PPID: variants seen among roughly 807,000 people sequenced by gnomAD.
The protein encoded by PPID is peptidyl-prolyl cis-trans isomerase D.
Under a neutral mutation model 48.1 loss-of-function variants are expected in PPID, and 47 were observed. The ratio of observed to expected loss-of-function variants is 0.98; its 90% CI spans 0.77 to 1.25. The LOEUF (loss-of-function observed/expected upper bound fraction) is 1.25, where lower values mean the gene tolerates loss of function less well. PPID is among the 50% of genes most tolerant of loss of function. The pLI is 0.00. For synonymous variants in PPID, 163 were observed against 148.8 expected, an observed-to-expected ratio of 1.10 and a Z score of -0.69; for missense variants, 429 against 443.5, an observed-to-expected ratio of 0.97 and a Z score of 0.29.
rs765354477 is a variant in PPID, at chr4:158,719,290, C to CA, written c.227-5dup. The stretch of plus-strand genomic sequence containing the variant: ...TGAATCATAAATTTCTTAATAACTA[C>CA]AAAAAAGGAAAATGGCTATTAGTGA... On this transcript the variant is annotated splice_polypyrimidine_tract_variant and splice_region_variant and intron_variant, in intron 2 of 9. Coordinates refer to ENST00000307720, the MANE Select transcript of PPID (RefSeq NM_005038.3). 5.1e-6 allele frequency: 8 copies of CA among 1,567,572 alleles called. No individual in the cohort carries two copies. Among genetic ancestry groups the CA allele is most frequent in the African/African-American group, 1.4e-5 (1 of 73,670 alleles).
chr4:158,715,755 G>A, intron 4 of PPID, 71 bp from the exon 5 acceptor site: 1 of 1,513,410 alleles, frequency 6.6e-7, no homozygotes, highest in Non-Finnish European at 9.1e-7. Flanking sequence ...TACAGCTGAA[G>A]TCATGTGCAG....
Position 158,713,238 on chromosome 4 carries a change from C to T in PPID, c.775G>A (p.Val259Ile). ...VLRYVDSSKA[V>I]IETADRAKLQ... is the part of the protein sequence containing the mutation. Reference sequence around the variant, plus strand: ...TTGGCTCTATCTGCTGTCTCAATAACAGCCTTTGAACTGTCCACGTATCTG... The same window carrying T: ...TTGGCTCTATCTGCTGTCTCAATAATAGCCTTTGAACTGTCCACGTATCTG... Residue 259 changes from valine (V) to isoleucine (I), a missense_variant, in exon 7 of 10, where the codon GTT (valine) becomes ATT (isoleucine). Val to Ile is a conservative substitution (Grantham distance 29). Coordinates refer to ENST00000307720, the MANE Select transcript of PPID (RefSeq NM_005038.3). The T allele has an allele frequency of 6.2e-7, 1 of 1,613,738 alleles. No individual in the cohort carries two copies. The highest frequency in any genetic ancestry group is 8.5e-7 in the Non-Finnish European group (1 of 1,179,900).
At position 158,709,664 on chromosome 4, in the gene PPID, A is replaced by C. The variant is rs1774744729; in HGVS notation, c.*72T>G. On this transcript the variant is annotated 3_prime_UTR_variant, in exon 10 of 10. Transcript: ENST00000307720. Reference sequence around the variant, plus strand: ...AAGAAACACATTAGGGATCATATTCATAGACAAAAACCTTTACATTTTCTT... The same window carrying C: ...AAGAAACACATTAGGGATCATATTCCTAGACAAAAACCTTTACATTTTCTT... The C allele has an allele frequency of 2.5e-6, 3 of 1,176,780 alleles. No individual in the cohort carries two copies. Among genetic ancestry groups the C allele is most frequent in the Non-Finnish European group, 2.5e-6 (2 of 812,240 alleles). 72.9% of individuals were successfully genotyped at this position (1,176,780 alleles called of 1,614,324 possible). A position where few individuals can be genotyped will look rare whatever the true frequency, so the allele number is the denominator to read the frequency against.
chr4:158,719,245 G>A lies in PPID; in HGVS notation c.268C>T (p.Gln90Ter). ...FMIQGGDFSNQNGTGGESIYG... is the reference protein window; with the variant it reads ...FMIQGGDFSN ...ATACTTTCTCCACCTGTCCCATTCT[G>A]ATTTGAGAAGTCTCCACCCTGAATC... Residue 90 changes from glutamine (Q) to a stop codon, truncating the protein, a stop_gained, in exon 3 of 10, where the codon CAG (glutamine) becomes TAG (stop). Transcript: ENST00000307720. LOFTEE classifies it high-confidence loss of function. The A allele has an allele frequency of 6.2e-7, 1 of 1,611,446 alleles. No homozygotes were observed. Among genetic ancestry groups the A allele is most frequent in the Non-Finnish European group, 8.5e-7 (1 of 1,178,010 alleles).
chr4:158,711,681 C>T (rs956478058), intron 7 of PPID, among the ~76,000 whole-genome samples: 28 of 152,116 alleles, frequency 1.8e-4, no homozygotes, highest in Admixed American at 1.0e-3. Flanking sequence ...AAAAAGAGAT[C>T]GAGGCTGGGC....
intron 4 of PPID, among the ~76,000 whole-genome samples, chr4:158,716,786 C>T (rs879042921): frequency 4.6e-5 from 7 of 152,018 alleles, no homozygotes; most frequent in Admixed American, 2.6e-4. Context: ...GGTGAAACCC[C>T]GTCTCTATTA....
At chr4:158,715,759 T>G in intron 4 of PPID, 75 bp from the exon 5 acceptor site, 2 of 1,483,132 alleles carry the variant, frequency 1.3e-6, no homozygotes, top group Non-Finnish European at 1.9e-6. Context: ...GCTGAAGTCA[T>G]GTGCAGCACT....
Position 158,722,494 on chromosome 4 carries a change from C to T in PPID, c.85+710G>A, listed in dbSNP as rs72969677. Among the ~76,000 whole-genome samples, 838 of 152,332 alleles carry T rather than the reference C, an allele frequency of 5.5e-3. 7 individuals are homozygous for T. Among genetic ancestry groups the T allele is most frequent in the African/African-American group, 0.02 (811 of 41,580 alleles). On this transcript the variant is annotated intron_variant, in intron 1 of 9. Coordinates refer to ENST00000307720, the MANE Select transcript of PPID (RefSeq NM_005038.3). ...GCAACAAACTGAATGTACGTGTAAA[C>T]GTGTGTGTGTCCTGTACATGCATTC...
At chr4:158,719,428 C>G (rs1231640368) in intron 2 of PPID, 142 bp from the exon 3 acceptor site, 1 of 613,096 alleles carries the variant, frequency 1.6e-6, no homozygotes, top group Non-Finnish European at 2.8e-6. Context: ...CCACCCGTCT[C>G]CGCAACTCCA....
chr4:158,715,658 T>G lies in PPID; in HGVS notation c.549A>C (p.Glu183Asp). 6.2e-7 allele frequency: 1 copy of G among 1,610,064 alleles called. No homozygotes were observed. Among genetic ancestry groups the G allele is most frequent in the South Asian group, 1.1e-5 (1 of 91,000 alleles). Reference sequence around the variant, plus strand: ...TTCCCCCGTCATCTCCTTCCTTCAATTCTCCACATTCTGCAATAACGCACA... The same window carrying G: ...TTCCCCCGTCATCTCCTTCCTTCAAGTCTCCACATTCTGCAATAACGCACA... ...AKLCVIAECG[E>D]LKEGDDGGIF... is the part of the protein sequence containing the mutation. Residue 183 changes from glutamate to aspartate, a missense_variant, in exon 5 of 10, where the codon GAA becomes GAC. Physicochemically the swap from Glu to Asp is conservative, Grantham distance 45 (BLOSUM62 2). Coordinates refer to ENST00000307720, the MANE Select transcript of PPID (RefSeq NM_005038.3).
intron 6 of PPID, among the ~76,000 whole-genome samples, chr4:158,714,784 T>G (rs1232764551): frequency 2.6e-5 from 4 of 152,134 alleles, no homozygotes; most frequent in Admixed American, 6.5e-5. Flanking sequence ...GAGATGGGGT[T>G]TCACCATATT....
At chr4:158,723,154 G>A (rs759301189) in intron 1 of PPID, 50 bp downstream of exon 1, 5 of 1,546,158 alleles carry the variant, frequency 3.2e-6, no homozygotes, top group South Asian at 1.1e-5. Context: ...CCAAATCCCG[G>A]GAACCCCCGC....
In PPID at chr4:158,717,159, G is replaced by C. The variant is rs1229378046; in HGVS notation, c.375C>G (p.Arg125=). The C allele has an allele frequency of 6.2e-7, 1 of 1,614,082 alleles. No individual in the cohort carries two copies. ...EGLLSMANAG[R]NTNGSQFFIT... is the part of the protein sequence containing the mutation. ...TAAAAAACTGAGAACCGTTTGTGTT[G>C]CGGCCTGCATTTGCCATGCTCAGTA... Residue 125 remains arginine (R), a synonymous_variant, in exon 4 of 10, where the codon CGC becomes CGG. Coordinates refer to ENST00000307720, the MANE Select transcript of PPID (RefSeq NM_005038.3).
Position 158,717,053 on chromosome 4 carries a change from T to A in PPID, c.481A>T (p.Ile161Leu). 6.2e-7 allele frequency: 1 copy of A among 1,614,064 alleles called. No individual in the cohort carries two copies. Among genetic ancestry groups the A allele is most frequent in the Non-Finnish European group, 8.5e-7 (1 of 1,179,950 alleles). ...CCTTTCACTTCCACATTTTCCAATA[T>A]CCTTGCCACTCCTATTCCTTTAATT... The part of the protein sequence containing the change: ...QVIKGIGVAR[I>L]LENVEVKGEK... The change falls in exon 4 of 10, where the codon ATA becomes TTA. Residue 161 changes from isoleucine (I) to leucine (L), a missense_variant. Transcript: ENST00000307720.
chr4:158,717,358 TTTAA>T (rs1443469777), intron 3 of PPID, among the ~76,000 whole-genome samples, 158 bp from the exon 4 acceptor site: 2 of 152,206 alleles, frequency 1.3e-5, no homozygotes, highest in Admixed American at 6.5e-5. Context: ...TATAAAATTT[TTTAA>T]TTACTTTTTA....
chr4:158,723,342 G>T lies in PPID; in HGVS notation c.-54C>A, dbSNP rs2070630. Reference sequence around the variant, plus strand: ...ATATCAGAGTACCTAGTGGCCGCCCGGGCCGCCCAAACTCCAGAGTCCGTC... The same window carrying T: ...ATATCAGAGTACCTAGTGGCCGCCCTGGCCGCCCAAACTCCAGAGTCCGTC... On this transcript the variant is annotated 5_prime_UTR_variant, in exon 1 of 10. Transcript: ENST00000307720. The T allele has an allele frequency of 3.2e-6, 5 of 1,546,198 alleles. No homozygotes were observed. The African/African-American group carries it at 5.5e-5, about 17-fold the overall frequency.
rs1028723766 is a variant in PPID at position 158,721,255 on chromosome 4, C to T, written c.226+88G>A. On this transcript the variant is annotated intron_variant, in intron 2 of 9. Transcript: ENST00000307720. Reference sequence around the variant, plus strand: ...CGCTAATAGTACTTTTTAAGCTTCACTTCCTACTTAGTGTTTTCTTCCCCA... The same window carrying T: ...CGCTAATAGTACTTTTTAAGCTTCATTTCCTACTTAGTGTTTTCTTCCCCA... 33 of 1,475,416 alleles carry T rather than the reference C, an allele frequency of 2.2e-5. No homozygotes were observed. The South Asian group carries it at 2.8e-4, about 12-fold the overall frequency. 91.4% of individuals were successfully genotyped at this position (1,475,416 alleles called of 1,614,324 possible). A position where few individuals can be genotyped will look rare whatever the true frequency, so the allele number is the denominator to read the frequency against.
In PPID at chr4:158,715,541, G is replaced by A. The variant is rs373729581; in HGVS notation, c.645+21C>T. On this transcript the variant is annotated intron_variant, in intron 5 of 9. Coordinates refer to ENST00000307720, the MANE Select transcript of PPID (RefSeq NM_005038.3). Reference sequence around the variant, plus strand: ...TCACTTACTAAATTAATTAAAGTTTGACTAATCTGAAAGTACTCACATCTT... The same window carrying A: ...TCACTTACTAAATTAATTAAAGTTTAACTAATCTGAAAGTACTCACATCTT... 1.9e-6 allele frequency: 3 copies of A among 1,610,854 alleles called. 1 individual carries two copies. The highest frequency in any genetic ancestry group is 3.3e-4 in the Middle Eastern group (2 of 6,060).
chr4:158,719,281 T>C lies in PPID; in HGVS notation c.232A>G (p.Lys78Glu). Reference sequence around the variant, plus strand: ...TCTCCACCCTGAATCATAAATTTCTTAATAACTACAAAAAAGGAAAATGGC... The same window carrying C: ...TCTCCACCCTGAATCATAAATTTCTCAATAACTACAAAAAAGGAAAATGGC... Reference protein sequence around the residue: ...FKGCPFHRIIKKFMIQGGDFS... With the variant: ...FKGCPFHRIIEKFMIQGGDFS... Residue 78 changes from lysine (K) to glutamate (E), a missense_variant, in exon 3 of 10, where the codon AAG (lysine) becomes GAG (glutamate). Physicochemically the swap from Lys to Glu is moderately conservative, Grantham distance 56. Coordinates refer to ENST00000307720, the MANE Select transcript of PPID (RefSeq NM_005038.3). The C allele has an allele frequency of 3.8e-6, 6 of 1,596,640 alleles. No homozygotes were observed. The highest frequency in any genetic ancestry group is 5.2e-6 in the Non-Finnish European group (6 of 1,165,026).
Sources: gnomAD v4.1 joint callset for allele counts (sites outside exome capture counted in the v4.1 genomes callset) on GRCh38, gnomAD v4.1.1 for gene constraint, MANE v1.5 for transcripts, NCBI Gene and HGNC (gene_info 2026-07-23, HGNC 2026-07-21) for gene names.